The following ANO6 variants were observed in gnomAD, a reference collection of about 807,000 sequenced individuals.
The protein encoded by ANO6 is anoctamin-6.
ANO6 carries 106 observed loss-of-function variants against 117.5 expected under a neutral mutation model. The ratio of observed to expected loss-of-function variants is 0.90; its 90% CI spans 0.77 to 1.06. The LOEUF (loss-of-function observed/expected upper bound fraction) is 1.06. Among genes scored for constraint, ANO6 ranks in the 50% least tolerant of loss-of-function variants. The probability of loss-of-function intolerance (pLI) is 0.00; values close to 1 mark genes in which losing one functional copy is unlikely to be tolerated. For synonymous variants in ANO6, 367 were observed against 385.1 expected (o/e 0.95, Z 0.55); for missense variants, 955 against 1,121.1 (o/e 0.85, Z 2.12).
intron 16 of ANO6, among the ~76,000 whole-genome samples, chr12:45,411,293 C>G (rs1034532211): frequency 6.6e-6 from 1 of 152,112 alleles, no homozygotes; most frequent in East Asian, 1.9e-4. Context: ...ATAATTCTGC[C>G]TCATCCTGCC....
chr12:45,417,500 C>T (rs1943244940), intron 17 of ANO6, among the ~76,000 whole-genome samples: 1 of 152,162 alleles, frequency 6.6e-6, no homozygotes, highest in African/African-American at 2.4e-5. Flanking sequence ...GCTGAAGCAG[C>T]CTCATGCCCT....
At chr12:45,275,727 T>C (rs1351411269) in intron 1 of ANO6, among the ~76,000 whole-genome samples, 1 of 152,216 alleles carries the variant, frequency 6.6e-6, no homozygotes, top group Non-Finnish European at 1.5e-5. Context: ...CAGTTTTCTA[T>C]TGCCTTCTTG....
At chr12:45,371,556 G>A (rs1316526519) in intron 9 of ANO6, among the ~76,000 whole-genome samples, 2 of 151,788 alleles carry the variant, frequency 1.3e-5, no homozygotes, top group African/African-American at 4.8e-5. Flanking sequence ...CCTGACCCCT[G>A]ACCCCCGAGC....
chr12:45,385,559 A>G (rs1942275933), intron 10 of ANO6, among the ~76,000 whole-genome samples: 1 of 152,126 alleles, frequency 6.6e-6, no homozygotes, highest in African/African-American at 2.4e-5. Flanking sequence ...ATTCCTCCCA[A>G]CAGGGTCTCT....
chr12:45,331,493 A>T (rs1940665165), intron 3 of ANO6, 70 bp downstream of exon 3: 1 of 1,366,922 alleles, frequency 7.3e-7, no homozygotes, highest in Non-Finnish European at 1.0e-6. Context: ...GCTATTTTGT[A>T]TAAGTAATAA....
chr12:45,377,958 A>G, intron 9 of ANO6, 95 bp from the exon 10 acceptor site: 1 of 1,207,038 alleles, frequency 8.3e-7, no homozygotes, highest in African/African-American at 1.5e-5. Flanking sequence ...TTTGAAAAGA[A>G]CTTCAAGACT....
At chr12:45,300,213 G>T (rs935845189) in intron 1 of ANO6, among the ~76,000 whole-genome samples, 9 of 152,082 alleles carry the variant, frequency 5.9e-5, no homozygotes, top group Non-Finnish European at 8.8e-5. Flanking sequence ...ACAGAATCTT[G>T]CTCTGTCACC....
chr12:45,357,157 A>G lies in ANO6; in HGVS notation c.864-133A>G. On this transcript the variant is annotated intron_variant, in intron 7 of 19. Transcript: ENST00000320560. The stretch of plus-strand genomic sequence containing the variant: ...GAATTCAGGGTCTGCTGTGAAAATG[A>G]ATGTTTTAAGGGTGAATTGAGTCAG... 8 of 984,214 alleles carry G rather than the reference A, an allele frequency of 8.1e-6. No homozygotes were observed. The South Asian group carries it at 1.2e-4, about 15-fold the overall frequency. The allele number at this position is 984,214 out of a possible 1,614,324, so 61.0% of individuals were successfully genotyped here.
intron 1 of ANO6, among the ~76,000 whole-genome samples, chr12:45,237,101 A>G (rs10437984): frequency 0.2 from 29,881 of 151,062 alleles, 4,964 homozygotes; most frequent in African/African-American, 0.44. Context: ...GTAAATTTGA[A>G]TTCTTTGTAG....
At chr12:45,409,325 C>T (rs184152872) in intron 15 of ANO6, 32 bp from the exon 16 acceptor site, 642 of 1,612,210 alleles carry the variant, frequency 4.0e-4, no homozygotes, top group Non-Finnish European at 4.7e-4. Flanking sequence ...TGATAATATT[C>T]GTTCTAATTT....
downstream of ANO6, among the ~76,000 whole-genome samples, chr12:45,437,052 C>T (rs1384180629): frequency 6.6e-6 from 1 of 152,180 alleles, no homozygotes; most frequent in Admixed American, 6.5e-5. Flanking sequence ...CTCAGTGAAA[C>T]CTGTGTGGAA....
At chr12:45,338,552 G>C (rs979230317) in intron 3 of ANO6, among the ~76,000 whole-genome samples, 3 of 152,078 alleles carry the variant, frequency 2.0e-5, no homozygotes, top group Admixed American at 6.6e-5. Context: ...AGTGAAGTCA[G>C]ATCTATCTTT....
intron 1 of ANO6, among the ~76,000 whole-genome samples, chr12:45,255,254 C>T (rs530525912): frequency 6.6e-6 from 1 of 152,322 alleles, no homozygotes; most frequent in South Asian, 2.1e-4. Flanking sequence ...ATCATTAGCG[C>T]ATGCTCCCTC....
At chr12:45,246,077 G>A (rs1043410378) in intron 1 of ANO6, among the ~76,000 whole-genome samples, 7 of 152,122 alleles carry the variant, frequency 4.6e-5, no homozygotes, top group African/African-American at 1.7e-4. Context: ...TTAGCTTAAA[G>A]CACTGAATTG....
chr12:45,225,546 T>C (rs1170772023), intron 1 of ANO6, among the ~76,000 whole-genome samples: 1 of 152,058 alleles, frequency 6.6e-6, no homozygotes, highest in Non-Finnish European at 1.5e-5. Context: ...TGGAGTGCAG[T>C]GGCAAGATCT....
chr12:45,276,342 C>T (rs562165145), intron 1 of ANO6, among the ~76,000 whole-genome samples: 2 of 152,138 alleles, frequency 1.3e-5, no homozygotes, highest in East Asian at 1.9e-4. Context: ...TGGTGTGGTG[C>T]CATCCCATTG....
At chr12:45,310,065 T>C (rs1939800160) in intron 2 of ANO6, among the ~76,000 whole-genome samples, 1 of 152,142 alleles carries the variant, frequency 6.6e-6, no homozygotes, top group African/African-American at 2.4e-5. Flanking sequence ...TGATGGAATG[T>C]GCATTTTTGT....
intron 1 of ANO6, among the ~76,000 whole-genome samples, chr12:45,260,222 G>T (rs1937978836): frequency 6.6e-6 from 1 of 152,236 alleles, no homozygotes; most frequent in Non-Finnish European, 1.5e-5. Flanking sequence ...GTACAGTTCA[G>T]CCTGTACAAA....
chr12:45,341,485 G>A (rs188932171), intron 3 of ANO6, among the ~76,000 whole-genome samples: 27 of 152,242 alleles, frequency 1.8e-4, no homozygotes, highest in Non-Finnish European at 2.8e-4. Context: ...TGTTTTCTGC[G>A]TCTATGATAT....
Sources: gnomAD v4.1 joint callset for allele counts (sites outside exome capture counted in the v4.1 genomes callset) on GRCh38, gnomAD v4.1.1 for gene constraint, MANE v1.5 for transcripts, NCBI Gene and HGNC (gene_info 2026-07-23, HGNC 2026-07-21) for gene names.